The following PCDHB7 variants were observed in gnomAD, a reference collection of about 807,000 sequenced individuals.
The protein encoded by PCDHB7 is protocadherin beta 7.
For missense variants in PCDHB7, 1,148 were observed against 1,011.6 expected (o/e 1.13, Z -1.83); for synonymous variants, 542 against 463.1 (o/e 1.17, Z -2.19).
rs1457064821 is a variant in PCDHB7, at chr5:141,175,845, G to A, written c.*628G>A. The A allele has an allele frequency of 6.0e-6, 1 of 167,440 alleles. No homozygotes were observed. The highest frequency in any genetic ancestry group is 1.9e-4 in the East Asian group (1 of 5,210). The allele number at this position is 167,440 out of a possible 1,614,324, so 10.4% of individuals were successfully genotyped here. ...ATTAGATATCACCTGGCAAGTTTCT[G>A]CCTAATTAAGGAGAAGTCTTTTATC... On this transcript the variant is annotated 3_prime_UTR_variant, in exon 1 of 1. Coordinates refer to ENST00000231137, the MANE Select transcript of PCDHB7 (RefSeq NM_018940.4).
Position 141,174,173 on chromosome 5 carries a change from C to A in PCDHB7, c.1338C>A (p.Asp446Glu), listed in dbSNP as rs782772618. 3 of 1,613,720 alleles carry A rather than the reference C, an allele frequency of 1.9e-6. No homozygotes were observed. The highest frequency in any genetic ancestry group is 2.2e-5 in the South Asian group (2 of 91,042). ...CCGTGCTGGTCTCCGACGTCAATGA[C>A]AACGCTCCCGCCTTCACCCAAACCT... Reference protein sequence around the residue: ...NITVLVSDVNDNAPAFTQTSY... With the variant: ...NITVLVSDVNENAPAFTQTSY... The change falls in exon 1 of 1, where the codon GAC becomes GAA. Residue 446 changes from aspartate (D) to glutamate (E), a missense_variant. Asp to Glu is a conservative substitution (Grantham distance 45). Transcript: ENST00000231137.
rs1563920879 is a variant in PCDHB7 at position 141,175,962 on chromosome 5, T to C, written c.*745T>C. ...TTATTTTCTTATACACCAAAAGTCC[T>C]GCTTTTCTGGGTCAATTTTCAACTA... On this transcript the variant is annotated 3_prime_UTR_variant, in exon 1 of 1. Coordinates refer to ENST00000231137, the MANE Select transcript of PCDHB7 (RefSeq NM_018940.4). The C allele has an allele frequency of 6.0e-6, 1 of 167,216 alleles. No individual in the cohort carries two copies. The highest frequency in any genetic ancestry group is 1.5e-5 in the Non-Finnish European group (1 of 68,238). 10.4% of individuals were successfully genotyped at this position (167,216 alleles called of 1,614,324 possible).
Position 141,175,320 on chromosome 5 carries a change from C to T in PCDHB7, c.*103C>T. ...GTCTTTACATCATTTCAAATATGTA[C>T]TCTTGAAGTCAAGCAATAAATTTCT... On this transcript the variant is annotated 3_prime_UTR_variant, in exon 1 of 1. Coordinates refer to ENST00000231137, the MANE Select transcript of PCDHB7 (RefSeq NM_018940.4). The T allele has an allele frequency of 8.4e-7, 1 of 1,191,866 alleles. No individual in the cohort carries two copies. The highest frequency in any genetic ancestry group is 1.2e-6 in the Non-Finnish European group (1 of 860,504). 73.8% of individuals were successfully genotyped at this position (1,191,866 alleles called of 1,614,324 possible).
chr5:141,173,196 C>G lies in PCDHB7; in HGVS notation c.361C>G (p.Leu121Val), dbSNP rs1554279931. The change falls in exon 1 of 1, where the codon CTA becomes GTA. Residue 121 changes from leucine to valine, a missense_variant. Coordinates refer to ENST00000231137, the MANE Select transcript of PCDHB7 (RefSeq NM_018940.4). ...EKPFQIFRAELWVRDINDHAP... is the reference protein window; with the variant it reads ...EKPFQIFRAEVWVRDINDHAP... ...ACCTTTTCAGATTTTCCGTGCTGAA[C>G]TATGGGTCAGAGACATCAATGATCA... 1.2e-6 allele frequency: 2 copies of G among 1,613,986 alleles called. No individual in the cohort carries two copies. The highest frequency in any genetic ancestry group is 1.7e-6 in the Non-Finnish European group (2 of 1,179,926).
rs1753377591 is a variant in PCDHB7 at position 141,176,185 on chromosome 5, A to AC, written c.*971dup. ...TTCATATTGTAGATTTTCTGCAGTC[A>AC]CCCATACTTAACATTTGTAATACAT... On this transcript the variant is annotated 3_prime_UTR_variant, in exon 1 of 1. Coordinates refer to ENST00000231137, the MANE Select transcript of PCDHB7 (RefSeq NM_018940.4). The AC allele has an allele frequency of 6.0e-6, 1 of 167,150 alleles. No homozygotes were observed. Among genetic ancestry groups the AC allele is most frequent in the Admixed American group, 6.5e-5 (1 of 15,286 alleles). 10.4% of individuals were successfully genotyped at this position (167,150 alleles called of 1,614,324 possible).
In PCDHB7 at chr5:141,174,328, T is replaced by G. The variant is rs781859479; in HGVS notation, c.1493T>G (p.Leu498Arg). Reference sequence around the variant, plus strand: ...CTGCTGCCGTCCCAGGACCCGCACCTGCCCCTCGCCTCCCTGGTCTCCATC... The same window carrying G: ...CTGCTGCCGTCCCAGGACCCGCACCGGCCCCTCGCCTCCCTGGTCTCCATC... ...YSLLPSQDPH[L>R]PLASLVSINA... Residue 498 changes from leucine (L) to arginine (R), a missense_variant, in exon 1 of 1, where the codon CTG becomes CGG. By Grantham distance (102) the Leu-to-Arg change is moderately radical (BLOSUM62 -2). Transcript: ENST00000231137. The G allele has an allele frequency of 5.0e-6, 8 of 1,612,942 alleles. No individual in the cohort carries two copies. The Admixed American group carries it at 6.7e-5, about 13-fold the overall frequency.
Position 141,174,248 on chromosome 5 carries a change from C to G in PCDHB7, c.1413C>G (p.Gly471=). 6.2e-7 allele frequency: 1 copy of G among 1,612,822 alleles called. No homozygotes were observed. Among genetic ancestry groups the G allele is most frequent in the Non-Finnish European group, 8.5e-7 (1 of 1,179,718 alleles). The change falls in exon 1 of 1, where the codon GGC becomes GGG. Residue 471 remains glycine, a synonymous_variant. Coordinates refer to ENST00000231137, the MANE Select transcript of PCDHB7 (RefSeq NM_018940.4). ...ACAACAGCCCCGCCCTGCCCATCGG[C>G]AGTGTCAGCGCCACAGACAGAGACT... ...RENNSPALPI[G]SVSATDRDSG... is the part of the protein sequence containing the mutation.
chr5:141,172,810 AT>A lies in PCDHB7; in HGVS notation c.-22del. ...AGCCGCTGGAGGCTGAGTGAAAGTC[AT>A]TTTGAAAGACTGATCCAAAGAAGAA... is the stretch of plus-strand genomic sequence containing the variant. On this transcript the variant is annotated 5_prime_UTR_variant, in exon 1 of 1. Transcript: ENST00000231137. 1 of 1,585,290 alleles carries A rather than the reference AT, an allele frequency of 6.3e-7. No individual in the cohort carries two copies. Among genetic ancestry groups the A allele is most frequent in the Non-Finnish European group, 8.6e-7 (1 of 1,160,614 alleles).
chr5:141,174,544 C>G lies in PCDHB7; in HGVS notation c.1709C>G (p.Ala570Gly). 1 of 1,610,110 alleles carries G rather than the reference C, an allele frequency of 6.2e-7. No individual in the cohort carries two copies. Residue 570 changes from alanine to glycine, a missense_variant, in exon 1 of 1, where the codon GCG (alanine) becomes GGG (glycine). Coordinates refer to ENST00000231137, the MANE Select transcript of PCDHB7 (RefSeq NM_018940.4). ...FVLYPLQNSS[A>G]PCTEPLPRAA... ...CTGTACCCGCTGCAGAACAGCTCCG[C>G]GCCCTGCACCGAGCCGTTGCCCCGG...
Position 141,174,356 on chromosome 5 carries a change from C to A in PCDHB7, c.1521C>A (p.Asn507Lys). 6.2e-7 allele frequency: 1 copy of A among 1,612,846 alleles called. No individual in the cohort carries two copies. The highest frequency in any genetic ancestry group is 8.5e-7 in the Non-Finnish European group (1 of 1,179,874). Residue 507 changes from asparagine to lysine, a missense_variant, in exon 1 of 1, where the codon AAC (asparagine) becomes AAA (lysine). Coordinates refer to ENST00000231137, the MANE Select transcript of PCDHB7 (RefSeq NM_018940.4). ...CCCTCGCCTCCCTGGTCTCCATCAA[C>A]GCGGACAACGGCCACCTGTTTGCCC... ...HLPLASLVSI[N>K]ADNGHLFALR...
rs1554280468 is a variant in PCDHB7 at position 141,175,124 on chromosome 5, G to C, written c.2289G>C (p.Lys763Asn). The change falls in exon 1 of 1, where the codon AAG becomes AAC. Residue 763 changes from lysine (K) to asparagine (N), a missense_variant. By Grantham distance (94) the Lys-to-Asn change is moderately conservative. Coordinates refer to ENST00000231137, the MANE Select transcript of PCDHB7 (RefSeq NM_018940.4). ...LTGGSGTNEF[K>N]FLKPIIPNLL... is the part of the protein sequence containing the mutation. ...GAGGCTCCGGGACAAATGAGTTCAA[G>C]TTTCTGAAACCAATTATCCCCAACC... The C allele has an allele frequency of 3.1e-6, 5 of 1,614,142 alleles. No individual in the cohort carries two copies. The highest frequency in any genetic ancestry group is 4.5e-5 in the East Asian group (2 of 44,898).
Position 141,173,043 on chromosome 5 carries a change from C to A in PCDHB7, c.208C>A (p.Gln70Lys). ...RARGTRIVSD[Q>K]NMQILLLSSL... is the part of the protein sequence containing the mutation. ...CCGGGGAACTAGAATTGTTTCAGACCAGAACATGCAAATTTTACTGCTCAG... is the reference window on the plus strand; with the variant it reads ...CCGGGGAACTAGAATTGTTTCAGACAAGAACATGCAAATTTTACTGCTCAG... Residue 70 changes from glutamine (Q) to lysine (K), a missense_variant, in exon 1 of 1, where the codon CAG (glutamine) becomes AAG (lysine). By Grantham distance (53) the Gln-to-Lys change is moderately conservative (BLOSUM62 1). Coordinates refer to ENST00000231137, the MANE Select transcript of PCDHB7 (RefSeq NM_018940.4). 1 of 1,614,094 alleles carries A rather than the reference C, an allele frequency of 6.2e-7. No homozygotes were observed. The highest frequency in any genetic ancestry group is 1.7e-5 in the Admixed American group (1 of 60,020).
Position 141,174,447 on chromosome 5 carries a change from T to A in PCDHB7, c.1612T>A (p.Ser538Thr). The change falls in exon 1 of 1, where the codon TCC becomes ACC. Residue 538 changes from serine to threonine, a missense_variant. Physicochemically the swap from Ser to Thr is moderately conservative, Grantham distance 58 (BLOSUM62 1). Transcript: ENST00000231137. ...CCGCGTGGGCGCCACAGACCGCGGCTCCCCCGCGCTGAGCAGCGAGGCGCT... is the reference window on the plus strand; with the variant it reads ...CCGCGTGGGCGCCACAGACCGCGGCACCCCCGCGCTGAGCAGCGAGGCGCT... ...EFRVGATDRG[S>T]PALSSEALVR... 6.2e-7 allele frequency: 1 copy of A among 1,611,518 alleles called. No individual in the cohort carries two copies. The highest frequency in any genetic ancestry group is 8.5e-7 in the Non-Finnish European group (1 of 1,179,700).
rs552228420 is a variant in PCDHB7, at chr5:141,175,510, T to G, written c.*293T>G. ...GCTTTCCATTGTTTTCAATCTCTAC[T>G]GAGACTTCCTGAGTTGATTAGAAAG... On this transcript the variant is annotated 3_prime_UTR_variant, in exon 1 of 1. Transcript: ENST00000231137. 30 of 417,514 alleles carry G rather than the reference T, an allele frequency of 7.2e-5. No homozygotes were observed. The South Asian group carries it at 1.1e-3, about 15-fold the overall frequency. The allele number at this position is 417,514 out of a possible 1,614,324, so 25.9% of individuals were successfully genotyped here.
At position 141,173,487 on chromosome 5, in the gene PCDHB7, G is replaced by T. The variant is rs782717110; in HGVS notation, c.652G>T (p.Gly218Cys). ...FSLTLTALDG[G>C]SPPRSGTALV... ...TTTAACCCTCACCGCTTTAGACGGC[G>T]GCTCTCCTCCAAGATCAGGGACCGC... Residue 218 changes from glycine (G) to cysteine (C), a missense_variant, in exon 1 of 1, where the codon GGC becomes TGC. Physicochemically the swap from Gly to Cys is radical, Grantham distance 159. Transcript: ENST00000231137. 1.7e-5 allele frequency: 28 copies of T among 1,614,000 alleles called. No homozygotes were observed. In the Admixed American group the frequency reaches 4.5e-4, roughly 26 times the overall value.
At position 141,173,537 on chromosome 5, in the gene PCDHB7, C is replaced by G. The variant is rs1554280021; in HGVS notation, c.702C>G (p.Asp234Glu). Residue 234 changes from aspartate (D) to glutamate (E), a missense_variant, in exon 1 of 1, where the codon GAC becomes GAG. Physicochemically the swap from Asp to Glu is conservative, Grantham distance 45. Transcript: ENST00000231137. ...CCCTCGTGCGCATTCTGGTTCTAGA[C>G]GTAAATGACAACGCCCCTGATTTTG... ...GTALVRILVL[D>E]VNDNAPDFVR... 1 of 1,613,592 alleles carries G rather than the reference C, an allele frequency of 6.2e-7. No homozygotes were observed. Among genetic ancestry groups the G allele is most frequent in the Non-Finnish European group, 8.5e-7 (1 of 1,179,726 alleles).
chr5:141,174,065 T>A lies in PCDHB7; in HGVS notation c.1230T>A (p.Asp410Glu). The part of the protein sequence containing the change: ...FYTLVTEKPL[D>E]RERNTEYNIT... ...CTCTGGTAACAGAGAAACCTTTGGA[T>A]CGAGAGAGGAACACTGAGTACAACA... The change falls in exon 1 of 1, where the codon GAT becomes GAA. Residue 410 changes from aspartate (D) to glutamate (E), a missense_variant. Asp to Glu is a conservative substitution (Grantham distance 45, BLOSUM62 2). Transcript: ENST00000231137. The A allele has an allele frequency of 6.2e-7, 1 of 1,613,958 alleles. No individual in the cohort carries two copies. The highest frequency in any genetic ancestry group is 8.5e-7 in the Non-Finnish European group (1 of 1,179,902).
chr5:141,173,602 C>T lies in PCDHB7; in HGVS notation c.767C>T (p.Pro256Leu), dbSNP rs1753271892. The T allele has an allele frequency of 1.2e-6, 2 of 1,614,090 alleles. No homozygotes were observed. The highest frequency in any genetic ancestry group is 1.7e-6 in the Non-Finnish European group (2 of 1,180,040). Residue 256 changes from proline (P) to leucine (L), a missense_variant, in exon 1 of 1, where the codon CCC (proline) becomes CTC (leucine). Pro to Leu is a moderately conservative substitution (Grantham distance 98). Coordinates refer to ENST00000231137, the MANE Select transcript of PCDHB7 (RefSeq NM_018940.4). Reference sequence around the variant, plus strand: ...AAGGTGCAGGTGCCCGAAAATAGCCCCGTTGGTTCCATGGTTGTCTCCGTG... The same window carrying T: ...AAGGTGCAGGTGCCCGAAAATAGCCTCGTTGGTTCCATGGTTGTCTCCGTG... Reference protein sequence around the residue: ...LYKVQVPENSPVGSMVVSVSA... With the variant: ...LYKVQVPENSLVGSMVVSVSA...
Position 141,174,402 on chromosome 5 carries a change from G to A in PCDHB7, c.1567G>A (p.Ala523Thr), listed in dbSNP as rs1188312647. 11 of 1,612,430 alleles carry A rather than the reference G, an allele frequency of 6.8e-6. No individual in the cohort carries two copies. The highest frequency in any genetic ancestry group is 8.5e-6 in the Non-Finnish European group (10 of 1,179,818). ...TGCCCTCAGGTCCCTGGACTACGAG[G>A]CCCTGCAGGCGTTCGAGTTCCGCGT... is the stretch of plus-strand genomic sequence containing the variant. ...LFALRSLDYE[A>T]LQAFEFRVGA... Residue 523 changes from alanine to threonine, a missense_variant, in exon 1 of 1, where the codon GCC becomes ACC. Transcript: ENST00000231137.
Sources: gnomAD v4.1 joint callset for allele counts on GRCh38, gnomAD v4.1.1 for gene constraint, MANE v1.5 for transcripts, NCBI Gene and HGNC (gene_info 2026-07-23, HGNC 2026-07-21) for gene names.